SLC4A4: variants seen among roughly 807,000 people sequenced by gnomAD.
SLC4A4 encodes the protein solute carrier family 4 member 4, also known as electrogenic sodium bicarbonate cotransporter 1.
Under a neutral mutation model 111.5 loss-of-function variants are expected in SLC4A4, and 27 were observed. The observed-to-expected ratio is 0.24, with a 90% CI of 0.18 to 0.33. The LOEUF is 0.33. Ranked by LOEUF, SLC4A4 falls within the 10% of genes least tolerant of loss-of-function variation. The pLI is 1.00. For synonymous variants in SLC4A4, 443 were observed against 463.4 expected, an observed-to-expected ratio of 0.96 and a Z score of 0.57; for missense variants, 909 against 1,315.5, an observed-to-expected ratio of 0.69 and a Z score of 4.78.
chr4:71,502,948 A>G (rs1460354501), intron 16 of SLC4A4, among the ~76,000 whole-genome samples: 1 of 152,012 alleles, frequency 6.6e-6, no homozygotes, highest in East Asian at 1.9e-4. Flanking sequence ...CTATTATTGT[A>G]TTGTCTTCTG....
At chr4:71,102,950 G>C (rs1412420291) in intron 2 of SLC4A4, among the ~76,000 whole-genome samples, 1 of 149,654 alleles carries the variant, frequency 6.7e-6, no homozygotes, top group Non-Finnish European at 1.5e-5. Flanking sequence ...TGGACTAAAT[G>C]CTCCAATTAA....
intron 7 of SLC4A4, among the ~76,000 whole-genome samples, chr4:71,419,661 G>C (rs1358964701): frequency 6.6e-6 from 1 of 152,222 alleles, no homozygotes; most frequent in Admixed American, 6.5e-5. Flanking sequence ...GTGAGGCAAT[G>C]CCTTGCCCTC....
intron 2 of SLC4A4, among the ~76,000 whole-genome samples, chr4:71,162,819 T>C (rs1315285315): frequency 4.6e-5 from 7 of 152,224 alleles, no homozygotes; most frequent in Non-Finnish European, 8.8e-5. Flanking sequence ...ACAAGACGCT[T>C]AAGGACCCAT....
intron 14 of SLC4A4, among the ~76,000 whole-genome samples, chr4:71,477,435 A>T (rs1179702530): frequency 7.2e-5 from 11 of 151,800 alleles, no homozygotes; most frequent in Non-Finnish European, 1.6e-4. Flanking sequence ...CAAGGCTTCT[A>T]CTGCAAGTCT....
intron 16 of SLC4A4, among the ~76,000 whole-genome samples, chr4:71,524,082 C>A (rs1733203974): frequency 6.6e-6 from 1 of 152,116 alleles, no homozygotes; most frequent in South Asian, 2.1e-4. Flanking sequence ...CTACACAGAA[C>A]AAGTTAATTT....
chr4:71,357,921 C>T (rs915978911), intron 6 of SLC4A4, among the ~76,000 whole-genome samples: 19 of 151,998 alleles, frequency 1.3e-4, no homozygotes, highest in East Asian at 5.8e-4. Flanking sequence ...GGTCAGTTTC[C>T]ATGAGGTATG....
intron 14 of SLC4A4, among the ~76,000 whole-genome samples, chr4:71,485,904 T>C (rs1729347581): frequency 6.6e-6 from 1 of 151,526 alleles, no homozygotes; most frequent in Non-Finnish European, 1.5e-5. Context: ...GAGATAAGCT[T>C]CTTCTGTCCC....
chr4:71,106,925 A>AAAATAAATAAAT (rs759756657), intron 2 of SLC4A4, among the ~76,000 whole-genome samples: 1,789 of 150,982 alleles, frequency 0.012, 34 homozygotes, highest in East Asian at 0.045. Context: ...AAGTATAATA[A>AAAATAAATAAAT]AAATAAATAA....
chr4:71,363,677 C>T (rs1056136316), intron 6 of SLC4A4, among the ~76,000 whole-genome samples: 4 of 152,186 alleles, frequency 2.6e-5, no homozygotes, highest in Admixed American at 6.5e-5. Flanking sequence ...AATCCTCTTC[C>T]TATGTGCCTT....
At chr4:71,504,550 G>A (rs1170127694) in intron 16 of SLC4A4, among the ~76,000 whole-genome samples, 1 of 148,580 alleles carries the variant, frequency 6.7e-6, no homozygotes, top group African/African-American at 2.5e-5. Context: ...TGAATTGTTT[G>A]TATTCTATAG....
At chr4:71,288,129 CT>C in intron 3 of SLC4A4, among the ~76,000 whole-genome samples, 1 of 145,926 alleles carries the variant, frequency 6.9e-6, no homozygotes, top group Admixed American at 6.7e-5. Context: ...TTTAATATCA[CT>C]TGTTTCTGGT....
intron 2 of SLC4A4, among the ~76,000 whole-genome samples, chr4:71,172,280 G>C (rs568780012): frequency 4.1e-5 from 6 of 146,858 alleles, no homozygotes; most frequent in Non-Finnish European, 6.0e-5. Context: ...TTTTTGAGAC[G>C]GAGTCTCGCT....
At chr4:71,198,957 A>C (rs1578582953) in intron 1 of SLC4A4, among the ~76,000 whole-genome samples, 2 of 152,348 alleles carry the variant, frequency 1.3e-5, no homozygotes, top group South Asian at 2.1e-4. Context: ...AGAGCAAATC[A>C]CTGGGTGGAT....
chr4:71,064,580 T>C (rs906910298), intron 1 of SLC4A4, among the ~76,000 whole-genome samples: 2 of 152,088 alleles, frequency 1.3e-5, no homozygotes, highest in South Asian at 4.1e-4. Flanking sequence ...AAATAAAAAT[T>C]AAAAGCAATG....
intron 2 of SLC4A4, among the ~76,000 whole-genome samples, chr4:71,148,013 G>C (rs1180200922): frequency 6.6e-6 from 1 of 152,062 alleles, no homozygotes; most frequent in Non-Finnish European, 1.5e-5. Context: ...CCAAAGTTCA[G>C]GTAAGTGACT....
intron 2 of SLC4A4, among the ~76,000 whole-genome samples, chr4:71,123,590 C>A (rs1020329001): frequency 6.6e-6 from 1 of 151,892 alleles, no homozygotes; most frequent in Non-Finnish European, 1.5e-5. Flanking sequence ...GAAGTATATA[C>A]TAATTTGAAA....
chr4:71,518,120 G>T (rs944863549), intron 16 of SLC4A4, among the ~76,000 whole-genome samples: 1 of 152,178 alleles, frequency 6.6e-6, no homozygotes, highest in Admixed American at 6.5e-5. Context: ...TGGTGCTGGG[G>T]TAGGTGTAGA....
intron 1 of SLC4A4, among the ~76,000 whole-genome samples, chr4:71,194,789 T>A (rs966531420): frequency 6.6e-6 from 1 of 152,182 alleles, no homozygotes; most frequent in African/African-American, 2.4e-5. Context: ...TTGGAAACCA[T>A]GTTTTGTGTA....
At chr4:71,333,911 G>C (rs184907138) in intron 3 of SLC4A4, among the ~76,000 whole-genome samples, 2 of 143,780 alleles carry the variant, frequency 1.4e-5, no homozygotes, top group African/African-American at 4.9e-5. Flanking sequence ...CTTCAGGGAA[G>C]TGGGCTCTTC....
Sources: allele counts gnomAD v4.1 joint callset (sites outside exome capture counted in the v4.1 genomes callset), GRCh38; gene constraint gnomAD v4.1.1; transcripts MANE v1.5; gene names NCBI Gene and HGNC (gene_info 2026-07-23, HGNC 2026-07-21).